The following ACSS3 variants were observed in gnomAD, a reference collection of about 807,000 sequenced individuals.
ACSS3 encodes acyl-CoA synthetase short-chain family member 3, mitochondrial.
A neutral mutation model predicts 84.2 loss-of-function variants in ACSS3; 64 were observed. The ratio of observed to expected loss-of-function variants is 0.76; its 90% confidence interval spans 0.62 to 0.94. ACSS3 has a LOEUF of 0.94. ACSS3 is among the 40% of genes least tolerant of loss of function. ACSS3 has a pLI of 0.00. For synonymous variants in ACSS3, 317 were observed against 310.1 expected, an observed-to-expected ratio of 1.02 and a Z score of -0.23; for missense variants, 815 against 867.6, an observed-to-expected ratio of 0.94 and a Z score of 0.76.
chr12:81,120,674 C>T (rs997396129), intron 2 of ACSS3, among the ~76,000 whole-genome samples: 1 of 151,946 alleles, frequency 6.6e-6, no homozygotes, highest in Non-Finnish European at 1.5e-5. Flanking sequence ...TATTTTAATT[C>T]ATTTGGAAGT....
chr12:81,184,390 C>T (rs138856521), intron 8 of ACSS3, among the ~76,000 whole-genome samples: 1 of 151,398 alleles, frequency 6.6e-6, no homozygotes, highest in African/African-American at 2.4e-5. Context: ...GAATGCAAAA[C>T]GAATAAACAA....
intron 9 of ACSS3, among the ~76,000 whole-genome samples, chr12:81,202,726 G>T (rs774560839): frequency 6.6e-6 from 1 of 152,126 alleles, no homozygotes; most frequent in Non-Finnish European, 1.5e-5. Context: ...TGATACATGT[G>T]TACAAATGAG....
In ACSS3 at chr12:81,260,077, A is replaced by G. The variant is rs1182291278; in HGVS notation, c.*5155A>G. ...TATTTGTTACAAAAACATAACGATA[A>G]TAAGTCACCTATTGTAAACGTTTGT... On this transcript the variant is annotated 3_prime_UTR_variant, in exon 16 of 16. Coordinates refer to ENST00000548058, the MANE Select transcript of ACSS3 (RefSeq NM_024560.4). 6.4e-6 allele frequency: 1 copy of G among 155,318 alleles called. No homozygotes were observed. The highest frequency in any genetic ancestry group is 1.4e-5 in the Non-Finnish European group (1 of 70,184). 9.6% of individuals were successfully genotyped at this position (155,318 alleles called of 1,614,324 possible).
chr12:81,189,158 A>G (rs1376332224), intron 8 of ACSS3, among the ~76,000 whole-genome samples: 1 of 151,968 alleles, frequency 6.6e-6, no homozygotes, highest in Non-Finnish European at 1.5e-5. Context: ...ATTGTTTCTA[A>G]TTTTTTGACT....
intron 9 of ACSS3, among the ~76,000 whole-genome samples, chr12:81,214,558 A>G (rs1309863027): frequency 1.3e-5 from 2 of 152,220 alleles, no homozygotes; most frequent in African/African-American, 4.8e-5. Flanking sequence ...AATAAAGGTT[A>G]TAAATAAATA....
Position 81,257,213 on chromosome 12 carries a change from C to T in ACSS3, c.*2291C>T, listed in dbSNP as rs1386572302. 6.6e-6 allele frequency: 1 copy of T among 152,064 alleles called. No individual in the cohort carries two copies. Among genetic ancestry groups the T allele is most frequent in the Non-Finnish European group, 1.5e-5 (1 of 68,020 alleles). 9.4% of individuals were successfully genotyped at this position (152,064 alleles called of 1,614,324 possible). On this transcript the variant is annotated 3_prime_UTR_variant, in exon 16 of 16. Transcript: ENST00000548058. ...TTTCCACTAGGATGGGAATGGAAAA[C>T]AGTGCTGGAGACTGGGGAAGTGGCT...
At chr12:81,150,585 C>T (rs571435560) in intron 5 of ACSS3, among the ~76,000 whole-genome samples, 12 of 152,312 alleles carry the variant, frequency 7.9e-5, no homozygotes, top group South Asian at 2.1e-4. Flanking sequence ...GGGCCAGCTG[C>T]ATGCTAACCA....
intron 5 of ACSS3, among the ~76,000 whole-genome samples, chr12:81,146,964 C>G (rs1244087475): frequency 6.6e-6 from 1 of 151,984 alleles, no homozygotes; most frequent in South Asian, 2.1e-4. Flanking sequence ...GTAGATAAGG[C>G]CTTTTGTCCT....
intron 7 of ACSS3, 126 bp from the exon 8 acceptor site, chr12:81,174,662 T>A (rs966919134): frequency 3.8e-6 from 4 of 1,042,486 alleles, no homozygotes; most frequent in Non-Finnish European, 5.3e-6. Flanking sequence ...ATGGAAATAT[T>A]TTAAAACTAA....
At chr12:81,137,101 T>G (rs1452115719) in intron 3 of ACSS3, among the ~76,000 whole-genome samples, 1 of 151,690 alleles carries the variant, frequency 6.6e-6, no homozygotes, top group Non-Finnish European at 1.5e-5. Context: ...ACAAGAAAGC[T>G]GATTTGTGGA....
intron 13 of ACSS3, among the ~76,000 whole-genome samples, chr12:81,242,164 G>A (rs1269305010): frequency 1.3e-5 from 2 of 151,986 alleles, no homozygotes; most frequent in Non-Finnish European, 2.9e-5. Flanking sequence ...AATAAAAAAT[G>A]ATAAAGGGGA....
chr12:81,142,890 G>C (rs184973559), intron 4 of ACSS3, among the ~76,000 whole-genome samples: 33 of 152,076 alleles, frequency 2.2e-4, no homozygotes, highest in African/African-American at 7.7e-4. Context: ...ATGCTTTTTT[G>C]TCAGTTTAGT....
chr12:81,186,180 T>C (rs892737088), intron 8 of ACSS3, among the ~76,000 whole-genome samples: 3 of 151,638 alleles, frequency 2.0e-5, no homozygotes, highest in Non-Finnish European at 1.5e-5. Context: ...AATTGGATCC[T>C]TAACCTACAT....
intron 7 of ACSS3, among the ~76,000 whole-genome samples, chr12:81,160,808 G>A (rs1427177642): frequency 3.3e-5 from 5 of 152,112 alleles, no homozygotes; most frequent in Admixed American, 2.0e-4. Flanking sequence ...TTGAGAGGAA[G>A]CATACTAGTT....
chr12:81,088,642 C>T (rs1380464947), intron 1 of ACSS3, among the ~76,000 whole-genome samples: 1 of 151,962 alleles, frequency 6.6e-6, no homozygotes, highest in African/African-American at 2.4e-5. Flanking sequence ...TCTTAAGAAA[C>T]TTGCCTAAAC....
intron 2 of ACSS3, among the ~76,000 whole-genome samples, chr12:81,111,413 G>A (rs540961037): frequency 6.6e-6 from 1 of 152,180 alleles, no homozygotes; most frequent in African/African-American, 2.4e-5. Flanking sequence ...CTTACATCCA[G>A]GGGAGAGGCC....
In ACSS3 at chr12:81,202,053, G is replaced by C. The variant is rs528213253; in HGVS notation, c.1354+2609G>C. ...CCAGCACTTTGGGGGGCCGAGGTGG[G>C]CGGATCACGAGGTCAGGAGTTCGAG... On this transcript the variant is annotated intron_variant, in intron 9 of 15. Transcript: ENST00000548058. Among the ~76,000 whole-genome samples, 8 of 152,194 alleles carry C rather than the reference G, an allele frequency of 5.3e-5. No individual in the cohort carries two copies. In the South Asian group the frequency reaches 1.7e-3, roughly 32 times the overall value.
At chr12:81,252,002 T>C (rs147061619) in intron 13 of ACSS3, among the ~76,000 whole-genome samples, 5 of 152,120 alleles carry the variant, frequency 3.3e-5, no homozygotes, top group Admixed American at 3.3e-4. Flanking sequence ...TGTAACTCCA[T>C]CTCCTCCATT....
intron 9 of ACSS3, among the ~76,000 whole-genome samples, chr12:81,209,539 A>G (rs1310094619): frequency 5.9e-5 from 9 of 152,130 alleles, no homozygotes; most frequent in Non-Finnish European, 1.3e-4. Flanking sequence ...GACAGTATTC[A>G]GTGATGAATT....
Sources: allele counts gnomAD v4.1 joint callset (sites outside exome capture counted in the v4.1 genomes callset), GRCh38; gene constraint gnomAD v4.1.1; transcripts MANE v1.5; gene names NCBI Gene and HGNC (gene_info 2026-07-23, HGNC 2026-07-21).